The following HYDIN variants were observed in gnomAD, a reference collection of about 807,000 sequenced individuals.
The protein encoded by HYDIN is HYDIN axonemal central pair apparatus protein.
A neutral mutation model predicts 403.9 loss-of-function variants in HYDIN; 132 were observed. The ratio of observed to expected loss-of-function variants is 0.33; its 90% CI spans 0.28 to 0.38. The LOEUF is 0.38. HYDIN is among the 10% of genes least tolerant of loss of function. The probability of loss-of-function intolerance (pLI) is 1.00; values close to 1 mark genes in which losing one functional copy is unlikely to be tolerated. For synonymous variants in HYDIN, 1,202 were observed against 1,891.7 expected, an observed-to-expected ratio of 0.64 and a Z score of 9.46; for missense variants, 2,827 against 5,009.5, an observed-to-expected ratio of 0.56 and a Z score of 13.15.
intron 45 of HYDIN, among the ~76,000 whole-genome samples, chr16:70,930,750 T>A (rs1283600227): frequency 1.3e-5 from 2 of 152,160 alleles, no homozygotes; most frequent in African/African-American, 4.8e-5. Context: ...CCACTGCAGA[T>A]GCAAAAGACC....
intron 23 of HYDIN, among the ~76,000 whole-genome samples, chr16:70,994,142 G>C (rs997833567): frequency 1.6e-4 from 25 of 152,076 alleles, no homozygotes; most frequent in Admixed American, 1.5e-3. Flanking sequence ...GATCTTGGCT[G>C]GGCTTATTAC....
chr16:71,004,573 C>T (rs1007940470), intron 23 of HYDIN, among the ~76,000 whole-genome samples: 2 of 151,904 alleles, frequency 1.3e-5, no homozygotes, highest in Admixed American at 1.3e-4. Flanking sequence ...TAAACTCAAC[C>T]TCATTATATC....
chr16:71,221,573 C>A (rs1481182597), intron 1 of HYDIN, among the ~76,000 whole-genome samples: 2 of 151,630 alleles, frequency 1.3e-5, no homozygotes, highest in Non-Finnish European at 2.9e-5. Context: ...GGGAAAAGCA[C>A]CCTGAACAAG....
intron 65 of HYDIN, among the ~76,000 whole-genome samples, chr16:70,871,149 ATACCAGCTC>A (rs2040071180): frequency 6.6e-6 from 1 of 151,890 alleles, no homozygotes. Context: ...ATAAAGTGGT[ATACCAGCTC>A]TATTCAGGGT....
At chr16:71,151,887 G>A (rs1339006813) in intron 7 of HYDIN, among the ~76,000 whole-genome samples, 1 of 152,064 alleles carries the variant, frequency 6.6e-6, no homozygotes, top group East Asian at 1.9e-4. Flanking sequence ...AAATACTAGT[G>A]GCAACAGATA....
intron 7 of HYDIN, among the ~76,000 whole-genome samples, chr16:71,148,818 G>C (rs1015895409): frequency 1.4e-5 from 2 of 139,004 alleles, no homozygotes; most frequent in Non-Finnish European, 3.0e-5. Context: ...GAGTGCAATG[G>C]CTTGGTCTCA....
intron 75 of HYDIN, among the ~76,000 whole-genome samples, chr16:70,849,077 T>C (rs1346794337): frequency 1.3e-5 from 2 of 152,046 alleles, no homozygotes; most frequent in African/African-American, 4.8e-5. Context: ...GAATGGGGGC[T>C]TTTGGGGAGT....
intron 28 of HYDIN, 38 bp downstream of exon 28, chr16:70,985,147 G>A (rs370030928): frequency 1.4e-5 from 22 of 1,604,174 alleles, no homozygotes; most frequent in Admixed American, 3.4e-5. Flanking sequence ...AGTGGGGCTC[G>A]TAGGTTTGAA....
At chr16:71,053,888 T>C (rs1455646658) in intron 18 of HYDIN, among the ~76,000 whole-genome samples, 5 of 152,288 alleles carry the variant, frequency 3.3e-5, no homozygotes, top group Admixed American at 2.0e-4. Flanking sequence ...TATTAAAATA[T>C]GTTTCATATA....
intron 59 of HYDIN, 22 bp from the exon 60 acceptor site, chr16:70,882,917 A>G (rs750957452): frequency 1.3e-6 from 2 of 1,557,368 alleles, no homozygotes; most frequent in South Asian, 2.2e-5. Flanking sequence ...AGGGGAGACC[A>G]TGAGATGCTG....
In HYDIN at chr16:70,880,733, C is replaced by T. The variant is rs2040745447; in HGVS notation, c.10216-977G>A. On this transcript the variant is annotated intron_variant, in intron 60 of 85. Coordinates refer to ENST00000393567, the MANE Select transcript of HYDIN (RefSeq NM_001270974.2). ...GGCAGTGTTTTGGGACTGTAGGGAG[C>T]CCTGGCATGGCCTTAAAAGGATTTT... is the stretch of plus-strand genomic sequence containing the variant. Among the ~76,000 whole-genome samples, 3 of 152,148 alleles carry T rather than the reference C, an allele frequency of 2.0e-5. No individual in the cohort carries two copies. The South Asian group carries it at 6.2e-4, about 32-fold the overall frequency.
At chr16:70,840,593 C>T (rs1366707508) in intron 75 of HYDIN, among the ~76,000 whole-genome samples, 1 of 152,182 alleles carries the variant, frequency 6.6e-6, no homozygotes, top group Non-Finnish European at 1.5e-5. Context: ...TTTACACCTT[C>T]CTTTGAAGCT....
intron 45 of HYDIN, among the ~76,000 whole-genome samples, chr16:70,931,181 G>C (rs2023682492): frequency 7.5e-6 from 1 of 133,244 alleles, no homozygotes; most frequent in African/African-American, 2.7e-5. Context: ...AACGTTTTTT[G>C]AATTGGGTTT....
chr16:70,943,766 C>A lies in HYDIN; in HGVS notation c.6669+46G>T, dbSNP rs375486590. On this transcript the variant is annotated intron_variant, in intron 42 of 85. Transcript: ENST00000393567. ...CTCTGTCCAGGGTGTGGGGATGGTG[C>A]GTGAATGCCAAGCCCTGCAGCTCTG... 4.7e-5 allele frequency: 75 copies of A among 1,592,154 alleles called. No individual in the cohort carries two copies. The African/African-American group carries it at 8.8e-4, about 19-fold the overall frequency.
chr16:70,905,632 TAAAA>T (rs10718035), intron 50 of HYDIN, among the ~76,000 whole-genome samples: 18 of 99,520 alleles, frequency 1.8e-4, no homozygotes, highest in Admixed American at 2.1e-4. Context: ...GACCCTATCT[TAAAA>T]AAAAAAAAAA....
In HYDIN at chr16:70,985,188, C is replaced by A. The variant is rs1208026537; in HGVS notation, c.4329G>T (p.Val1443=). The change falls in exon 28 of 86, where the codon GTG becomes GTT. Residue 1443 remains valine (V), a synonymous_variant. Coordinates refer to ENST00000393567, the MANE Select transcript of HYDIN (RefSeq NM_001270974.2). The stretch of plus-strand genomic sequence containing the variant: ...GCCCCTCCCACCATTTACTTACAGA[C>A]ACAGGCAGGATTAGTGGCACTCCAG... ...LLPGVPLILP[V]SGFISSHQEQ... 1.9e-6 allele frequency: 3 copies of A among 1,610,556 alleles called. No individual in the cohort carries two copies. Among genetic ancestry groups the A allele is most frequent in the South Asian group, 2.2e-5 (2 of 90,392 alleles).
intron 83 of HYDIN, among the ~76,000 whole-genome samples, chr16:70,825,088 G>T (rs1468123484): frequency 1.3e-5 from 2 of 152,054 alleles, no homozygotes; most frequent in Admixed American, 6.5e-5. Context: ...GTCCTTGCAT[G>T]TCCAAGTTTT....
chr16:71,040,479 C>A (rs2081249874), intron 18 of HYDIN, among the ~76,000 whole-genome samples: 4 of 146,000 alleles, frequency 2.7e-5, no homozygotes, highest in Admixed American at 2.7e-4. Flanking sequence ...CATACCCCCC[C>A]TCCCCGCACC....
chr16:70,841,616 G>A (rs1359949718), intron 75 of HYDIN, among the ~76,000 whole-genome samples: 1 of 152,130 alleles, frequency 6.6e-6, no homozygotes, highest in Admixed American at 6.6e-5. Flanking sequence ...GGTCATGAGG[G>A]ATCGCCCTCA....
Sources: gnomAD v4.1 joint callset for allele counts (sites outside exome capture counted in the v4.1 genomes callset) on GRCh38, gnomAD v4.1.1 for gene constraint, MANE v1.5 for transcripts, NCBI Gene and HGNC (gene_info 2026-07-23, HGNC 2026-07-21) for gene names.